CPLANE1: variants seen among roughly 807,000 people sequenced by gnomAD.
The protein encoded by CPLANE1 is ciliogenesis and planar polarity effector complex subunit 1.
CPLANE1 carries 263 observed loss-of-function variants against 362.5 expected under a neutral mutation model. The observed-to-expected ratio is 0.73, with a 90% CI of 0.66 to 0.80. The LOEUF (loss-of-function observed/expected upper bound fraction) is 0.80, where lower values mean the gene tolerates loss of function less well. Ranked by LOEUF, CPLANE1 falls within the 30% of genes least tolerant of loss-of-function variation. The probability of loss-of-function intolerance (pLI) is 0.00; values close to 1 mark genes in which losing one functional copy is unlikely to be tolerated. For missense variants in CPLANE1, 3,461 were observed against 3,793.4 expected, an observed-to-expected ratio of 0.91 and a Z score of 2.30; for synonymous variants, 1,212 against 1,302.6, an observed-to-expected ratio of 0.93 and a Z score of 1.50.
At chr5:37,238,320 A>G (rs1799475162) in intron 8 of CPLANE1, among the ~76,000 whole-genome samples, 1 of 150,598 alleles carries the variant, frequency 6.6e-6, no homozygotes, top group Non-Finnish European at 1.5e-5. Context: ...CTACAGGAAC[A>G]TGCCACCACA....
chr5:37,157,587 G>T, intron 40 of CPLANE1, 83 bp downstream of exon 40: 1 of 1,230,712 alleles, frequency 8.1e-7, no homozygotes, highest in African/African-American at 1.5e-5. Flanking sequence ...TAGGAGGAGA[G>T]GTAAGAGATG....
In CPLANE1 at chr5:37,162,488, T is replaced by C. The variant is rs1777091197; in HGVS notation, c.7667A>G (p.Asp2556Gly). Residue 2556 changes from aspartate to glycine, a missense_variant, in exon 38 of 53, where the codon GAT (aspartate) becomes GGT (glycine). Physicochemically the swap from Asp to Gly is moderately conservative, Grantham distance 94 (BLOSUM62 -1). Around this residue, in one of 2 missense-constraint regions of CPLANE1, gnomAD observed 3,380 missense variants for 3,666.1 expected, o/e 0.92. Transcript: ENST00000651892. ...ACCTGGGTCTGTATTTGTACTTGCA[T>C]CTTGACTTCCTATAGCTTTCTTTTT... Reference protein sequence around the residue: ...SVKKKAIGSQDASTNTDPEHE... With the variant: ...SVKKKAIGSQGASTNTDPEHE... 6.2e-7 allele frequency: 1 copy of C among 1,611,360 alleles called. No individual in the cohort carries two copies. The highest frequency in any genetic ancestry group is 2.2e-5 in the East Asian group (1 of 44,848).
At chr5:37,185,120 T>A (rs1013035220) in intron 24 of CPLANE1, 41 bp from the exon 25 acceptor site, 1 of 1,546,360 alleles carries the variant, frequency 6.5e-7, no homozygotes, top group African/African-American at 1.4e-5. Flanking sequence ...TTCATTAAAA[T>A]ATTTCAATTC....
At chr5:37,134,220 GTTC>G (rs1353698971) in intron 46 of CPLANE1, among the ~76,000 whole-genome samples, 4 of 152,114 alleles carry the variant, frequency 2.6e-5, no homozygotes, top group East Asian at 1.9e-4. Flanking sequence ...ATTCCCACCA[GTTC>G]TTCTTTTATG....
In CPLANE1 at chr5:37,170,243, G is replaced by C; in HGVS notation, c.6260C>G (p.Ser2087Cys). Residue 2087 changes from serine (S) to cysteine (C), a missense_variant, in exon 33 of 53, where the codon TCT becomes TGT. Transcript: ENST00000651892. ...LPDTQQLVQQ[S>C]QSVHLGESQE... ...GCTTTCCCCTAAATGCACAGACTGAGACTGCTGTACAAGTTGTTGTGTATC... is the reference window on the plus strand; with the variant it reads ...GCTTTCCCCTAAATGCACAGACTGACACTGCTGTACAAGTTGTTGTGTATC... 1 of 1,614,132 alleles carries C rather than the reference G, an allele frequency of 6.2e-7. No individual in the cohort carries two copies. Among genetic ancestry groups the C allele is most frequent in the Non-Finnish European group, 8.5e-7 (1 of 1,179,988 alleles).
chr5:37,245,016 G>A (rs1739050906), intron 4 of CPLANE1, among the ~76,000 whole-genome samples: 2 of 151,912 alleles, frequency 1.3e-5, no homozygotes, highest in South Asian at 4.2e-4. Context: ...GCCGGGCATG[G>A]TGGCTGGCGC....
At chr5:37,185,245 T>C (rs1783674582) in intron 24 of CPLANE1, among the ~76,000 whole-genome samples, 166 bp from the exon 25 acceptor site, 1 of 152,096 alleles carries the variant, frequency 6.6e-6, no homozygotes, top group Non-Finnish European at 1.5e-5. Context: ...ACTGGAAAGA[T>C]ATTTTAAAGT....
chr5:37,090,676 G>C, the CPLANE1 span, among the ~76,000 whole-genome samples: 3 of 152,118 alleles, frequency 2.0e-5, no homozygotes, highest in Non-Finnish European at 2.9e-5. Flanking sequence ...CAGCAGTCTG[G>C]TAGAGACCAC....
intron 46 of CPLANE1, chr5:37,130,454 A>G: frequency 4.6e-6 from 1 of 217,960 alleles, no homozygotes; most frequent in Non-Finnish European, 9.9e-6. Context: ...TTAAGAGGGC[A>G]GAAGTCCAGG....
intron 44 of CPLANE1, chr5:37,141,349 G>A: frequency 8.1e-6 from 8 of 985,310 alleles, no homozygotes; most frequent in Non-Finnish European, 9.6e-6. Flanking sequence ...ATCCTCCCCA[G>A]AGAAGAGAAG....
At chr5:37,121,881 GTT>G (rs772486105) in intron 48 of CPLANE1, 97 bp from the exon 49 acceptor site, 2,766 of 714,696 alleles carry the variant, frequency 3.9e-3, no homozygotes, top group Middle Eastern at 6.0e-3. Flanking sequence ...GCATGTTCTG[GTT>G]TTTTTTTTTT....
chr5:37,239,783 C>G lies in CPLANE1; in HGVS notation c.764G>C (p.Gly255Ala). ...TCTTGAAAAGGCAGAAATTAGAGCT[C>G]CTCTTGACTTTACTGATTCACATTT... is the stretch of plus-strand genomic sequence containing the variant. The part of the protein sequence containing the change: ...IPKCESVKSR[G>A]ALISAFSRDG... The change falls in exon 7 of 53, where the codon GGA becomes GCA. Residue 255 changes from glycine to alanine, a missense_variant. Gly to Ala is a moderately conservative substitution (Grantham distance 60). This residue lies in a region of CPLANE1 where 3,380 missense variants were observed against 3,666.1 expected (regional missense o/e 0.92). Transcript: ENST00000651892. 6.5e-7 allele frequency: 1 copy of G among 1,546,842 alleles called. No individual in the cohort carries two copies. Among genetic ancestry groups the G allele is most frequent in the Non-Finnish European group, 8.7e-7 (1 of 1,144,312 alleles).
At chr5:37,232,521 GAAA>G (rs36033877) in intron 8 of CPLANE1, among the ~76,000 whole-genome samples, 9 of 119,512 alleles carry the variant, frequency 7.5e-5, no homozygotes, top group Admixed American at 2.6e-4. Flanking sequence ...CATCTTGGGG[GAAA>G]AAAAAAAAAA....
Position 37,153,859 on chromosome 5 carries a change from C to G in CPLANE1, c.8254G>C (p.Glu2752Gln). The G allele has an allele frequency of 6.2e-7, 1 of 1,614,064 alleles. No homozygotes were observed. Among genetic ancestry groups the G allele is most frequent in the Non-Finnish European group, 8.5e-7 (1 of 1,180,012 alleles). ...TTCTGAAGCTTAGCACTGAGATGCT[C>G]TAGTTGGTGAGCTGCAGAGCTTGGT... ...PAPSSAAHQL[E>Q]HLSAKLQKID... Residue 2752 changes from glutamate to glutamine, a missense_variant, in exon 42 of 53, where the codon GAG becomes CAG. Glu to Gln is a conservative substitution (Grantham distance 29, BLOSUM62 2). Transcript: ENST00000651892.
intron 43 of CPLANE1, among the ~76,000 whole-genome samples, chr5:37,143,799 G>A (rs1263942486): frequency 6.6e-6 from 1 of 152,058 alleles, no homozygotes; most frequent in East Asian, 1.9e-4. Context: ...GCCAGTGGTG[G>A]TGGCACACGC....
At chr5:37,230,833 C>A (rs1480386633) in intron 9 of CPLANE1, 34 bp downstream of exon 9, 4 of 1,334,414 alleles carry the variant, frequency 3.0e-6, no homozygotes, top group Non-Finnish European at 3.9e-6. Flanking sequence ...GAAAAAAAAT[C>A]TATAAACAAA....
intron 42 of CPLANE1, among the ~76,000 whole-genome samples, chr5:37,150,223 T>C (rs995233498): frequency 2.0e-5 from 3 of 152,176 alleles, no homozygotes; most frequent in African/African-American, 7.2e-5. Flanking sequence ...GCTGGCTTTC[T>C]CCTGAGTCTC....
rs1771829392 is a variant in CPLANE1 at position 37,146,965 on chromosome 5, CAAGA to C, written c.8461+1212_8461+1215del. ...TAATGATAAAAGAGACAAAATCCAA[CAAGA>C]AATATAACAATCCTGAACTATATTC... On this transcript the variant is annotated intron_variant, in intron 43 of 52. Transcript: ENST00000651892. 1.3e-5 allele frequency among the ~76,000 whole-genome samples: 2 copies of C among 152,154 alleles called. 1 individual carries two copies. The highest frequency in any genetic ancestry group is 4.8e-5 in the African/African-American group (2 of 41,520).
intron 41 of CPLANE1, among the ~76,000 whole-genome samples, chr5:37,154,974 C>A (rs1017167219): frequency 6.6e-6 from 1 of 152,172 alleles, no homozygotes; most frequent in African/African-American, 2.4e-5. Flanking sequence ...GAAAGTCACT[C>A]GAGGCTCCTC....
Sources: allele counts gnomAD v4.1 joint callset (sites outside exome capture counted in the v4.1 genomes callset), GRCh38; gene constraint gnomAD v4.1.1; regional missense constraint gnomAD v4.1.1; transcripts MANE v1.5; gene names NCBI Gene and HGNC (gene_info 2026-07-23, HGNC 2026-07-21).